Variants in USF3 observed in about 807,000 individuals in gnomAD.
USF3 encodes the protein basic helix-loop-helix domain-containing protein USF3.
Under a neutral mutation model 157.5 loss-of-function variants are expected in USF3, and 29 were observed. That is an observed-to-expected ratio of 0.18 (90% CI 0.14 to 0.25). The LOEUF (loss-of-function observed/expected upper bound fraction) is 0.25. Ranked by LOEUF, USF3 falls within the 10% of genes least tolerant of loss-of-function variation. The pLI, the probability that USF3 is intolerant of heterozygous loss-of-function variation, is 1.00. For missense variants in USF3, 2,381 were observed against 2,667.6 expected (o/e 0.89, Z 2.37); for synonymous variants, 893 against 941.4 (o/e 0.95, Z 0.94).
In USF3 at chr3:113,656,147, A is replaced by G; in HGVS notation, c.5535T>C (p.Asn1845=). ...SQRSLSEHQR[N]TQCGPSSAIE... ...TTGCAGAGGATGGACCACACTGTGT[A>G]TTCCTCTGATGTTCTGAGAGTGACC... Residue 1845 remains asparagine (N), a synonymous_variant, in exon 7 of 7, where the codon AAT becomes AAC. Transcript: ENST00000316407. The G allele has an allele frequency of 6.2e-7, 1 of 1,614,180 alleles. No individual in the cohort carries two copies. The highest frequency in any genetic ancestry group is 8.5e-7 in the Non-Finnish European group (1 of 1,180,026).
intron 2 of USF3, among the ~76,000 whole-genome samples, chr3:113,676,195 T>C (rs1707277033): frequency 6.6e-6 from 1 of 152,242 alleles, no homozygotes; most frequent in Non-Finnish European, 1.5e-5. Flanking sequence ...AACCTCTGCC[T>C]GTTACCCAGT....
intron 1 of USF3, among the ~76,000 whole-genome samples, chr3:113,678,389 A>G (rs1376262409): frequency 1.3e-5 from 2 of 152,168 alleles, no homozygotes; most frequent in African/African-American, 4.8e-5. Flanking sequence ...AAAATCTTGA[A>G]GTCAATGACA....
Position 113,649,828 on chromosome 3 carries a change from C to T in USF3, c.*5116G>A, listed in dbSNP as rs1260095341. ...GACTCAATCTAAATTTGGTGTCCCC[C>T]CTCCACAGGTTCTAGTAGAAACCTA... On this transcript the variant is annotated 3_prime_UTR_variant, in exon 7 of 7. Transcript: ENST00000316407. The T allele has an allele frequency of 5.7e-6, 4 of 702,642 alleles. No homozygotes were observed. In the Admixed American group the frequency reaches 6.0e-5, roughly 11 times the overall value. 43.5% of individuals were successfully genotyped at this position (702,642 alleles called of 1,614,324 possible).
intron 1 of USF3, among the ~76,000 whole-genome samples, chr3:113,686,732 A>G (rs1707556702): frequency 6.6e-6 from 1 of 152,196 alleles, no homozygotes; most frequent in Non-Finnish European, 1.5e-5. Context: ...CTTCTCAACA[A>G]TAATCACAGT....
intron 2 of USF3, 22 bp from the exon 3 acceptor site, chr3:113,674,918 C>T (rs780488926): frequency 6.8e-7 from 1 of 1,464,330 alleles, no homozygotes; most frequent in African/African-American, 1.4e-5. Flanking sequence ...TAGAAAGACA[C>T]ACCAGAAAGC....
Position 113,660,796 on chromosome 3 carries a change from T to C in USF3, c.886A>G (p.Met296Val), listed in dbSNP as rs752679943. The change falls in exon 7 of 7, where the codon ATG (methionine) becomes GTG (valine). Residue 296 changes from methionine to valine, a missense_variant. Around this residue, in one of 6 missense-constraint regions of USF3, gnomAD observed 1,435 missense variants for 1,550.9 expected, o/e 0.93. Transcript: ENST00000316407. ...GGGATGTTTGTAACACAAGGGGTCA[T>C]TTTCTTCAATACTTTGGGGTTCTCT... ...GQENPKVLKK[M>V]TPCVTNIPHS... 6.2e-7 allele frequency: 1 copy of C among 1,614,220 alleles called. No individual in the cohort carries two copies. Among genetic ancestry groups the C allele is most frequent in the South Asian group, 1.1e-5 (1 of 91,088 alleles).
At position 113,657,932 on chromosome 3, in the gene USF3, G is replaced by A; in HGVS notation, c.3750C>T (p.Ile1250=). 1 of 1,614,206 alleles carries A rather than the reference G, an allele frequency of 6.2e-7. No individual in the cohort carries two copies. The highest frequency in any genetic ancestry group is 8.5e-7 in the Non-Finnish European group (1 of 1,180,038). The change falls in exon 7 of 7, where the codon ATC becomes ATT. Residue 1250 remains isoleucine (I), a synonymous_variant. Coordinates refer to ENST00000316407, the MANE Select transcript of USF3 (RefSeq NM_001009899.4). ...CCGCACAGCTGGCCAGAGGATGGCT[G>A]ATGCTGCTCTGATGGATAAGATTAT... ...SVNNLIHQSS[I]SHPLASCAGL...
At position 113,660,182 on chromosome 3, in the gene USF3, A is replaced by G; in HGVS notation, c.1500T>C (p.Ser500=). 6.2e-7 allele frequency: 1 copy of G among 1,614,220 alleles called. No homozygotes were observed. Among genetic ancestry groups the G allele is most frequent in the South Asian group, 1.1e-5 (1 of 91,082 alleles). The change falls in exon 7 of 7, where the codon TCT becomes TCC. Residue 500 remains serine, a synonymous_variant. Coordinates refer to ENST00000316407, the MANE Select transcript of USF3 (RefSeq NM_001009899.4). ...PVEQVVVTLP[S]CPSLPMQPLI... The stretch of plus-strand genomic sequence containing the variant: ...GTGGCTGCATAGGTAAAGATGGACA[A>G]GAAGGCAATGTTACAACTACTTGCT...
intron 4 of USF3, among the ~76,000 whole-genome samples, chr3:113,672,463 T>G (rs1223343156): frequency 6.6e-6 from 1 of 151,924 alleles, no homozygotes; most frequent in Non-Finnish European, 1.5e-5. Context: ...GACAGCTGAC[T>G]CCAATCAAAA....
chr3:113,685,398 G>T (rs1204814773), intron 1 of USF3, among the ~76,000 whole-genome samples: 1 of 152,166 alleles, frequency 6.6e-6, no homozygotes, highest in Non-Finnish European at 1.5e-5. Flanking sequence ...TTAGTCAGCA[G>T]ATGATGAATC....
rs1559711104 is a variant in USF3 at position 113,660,480 on chromosome 3, G to A, written c.1202C>T (p.Ser401Phe). Reference sequence around the variant, plus strand: ...AACACTTGAAGAAGGCAAAGAACAAGAAAGAGTCCAACCATTGTCCAAAGG... The same window carrying A: ...AACACTTGAAGAAGGCAAAGAACAAAAAAGAGTCCAACCATTGTCCAAAGG... The part of the protein sequence containing the change: ...GNPLDNGWTL[S>F]CSLPSSSVST... The change falls in exon 7 of 7, where the codon TCT (serine) becomes TTT (phenylalanine). Residue 401 changes from serine (S) to phenylalanine (F), a missense_variant. Around this residue, in one of 6 missense-constraint regions of USF3, gnomAD observed 1,435 missense variants for 1,550.9 expected, o/e 0.93. Coordinates refer to ENST00000316407, the MANE Select transcript of USF3 (RefSeq NM_001009899.4). The A allele has an allele frequency of 6.2e-7, 1 of 1,614,148 alleles. No individual in the cohort carries two copies. Among genetic ancestry groups the A allele is most frequent in the Non-Finnish European group, 8.5e-7 (1 of 1,180,046 alleles).
At chr3:113,678,092 T>C (rs926238817) in intron 1 of USF3, among the ~76,000 whole-genome samples, 2 of 151,652 alleles carry the variant, frequency 1.3e-5, no homozygotes, top group Admixed American at 1.3e-4. Context: ...GTTTTTGGTT[T>C]TTTAGGTACA....
At position 113,651,772 on chromosome 3, in the gene USF3, T is replaced by C. The variant is rs944506031; in HGVS notation, c.*3172A>G. The stretch of plus-strand genomic sequence containing the variant: ...ACACATGCATACATCTGTAAAGTAA[T>C]GAGAGCTACACGTAAGCAGGAGCCA... On this transcript the variant is annotated 3_prime_UTR_variant, in exon 7 of 7. Coordinates refer to ENST00000316407, the MANE Select transcript of USF3 (RefSeq NM_001009899.4). 10 of 152,156 alleles carry C rather than the reference T, an allele frequency of 6.6e-5. No individual in the cohort carries two copies. Among genetic ancestry groups the C allele is most frequent in the African/African-American group, 1.7e-4 (7 of 41,430 alleles). The allele number at this position is 152,156 out of a possible 1,614,324, so 9.4% of individuals were successfully genotyped here.
intron 1 of USF3, among the ~76,000 whole-genome samples, chr3:113,681,076 A>C (rs1178116379): frequency 6.6e-6 from 1 of 152,076 alleles, no homozygotes; most frequent in Non-Finnish European, 1.5e-5. Context: ...TTGCAGGTTC[A>C]AGCAATTCTC....
intron 1 of USF3, among the ~76,000 whole-genome samples, chr3:113,686,612 G>C (rs1273233856): frequency 6.6e-6 from 1 of 152,176 alleles, no homozygotes; most frequent in Non-Finnish European, 1.5e-5. Context: ...TTCTTATGTG[G>C]ATAGTAGTTC....
intron 1 of USF3, among the ~76,000 whole-genome samples, chr3:113,692,230 C>T (rs574744238): frequency 6.6e-6 from 1 of 152,294 alleles, no homozygotes; most frequent in Admixed American, 6.5e-5. Flanking sequence ...TACCCTTCTT[C>T]ATACTCCCAA....
chr3:113,670,068 T>G, intron 5 of USF3, 53 bp downstream of exon 5: 1 of 1,188,040 alleles, frequency 8.4e-7, no homozygotes, highest in Non-Finnish European at 1.3e-6. Context: ...CAAAACAACT[T>G]AGGGAATTGT....
At chr3:113,683,465 T>C (rs1490777948) in intron 1 of USF3, among the ~76,000 whole-genome samples, 1 of 62,828 alleles carries the variant, frequency 1.6e-5, no homozygotes, top group African/African-American at 6.4e-5. Flanking sequence ...TATCCCCTGC[T>C]TTTTTTTTTT....
chr3:113,662,770 C>T (rs933511927), intron 6 of USF3, among the ~76,000 whole-genome samples: 1 of 152,134 alleles, frequency 6.6e-6, no homozygotes, highest in Non-Finnish European at 1.5e-5. Context: ...CTGTGCTAGG[C>T]TTTAATCTAA....
Sources: gnomAD v4.1 joint callset for allele counts (sites outside exome capture counted in the v4.1 genomes callset) on GRCh38, gnomAD v4.1.1 for gene constraint, gnomAD v4.1.1 regional missense constraint, MANE v1.5 for transcripts, NCBI Gene and HGNC (gene_info 2026-07-23, HGNC 2026-07-21) for gene names.